The following SUFU variants were observed in gnomAD, a reference collection of about 807,000 sequenced individuals.
SUFU encodes suppressor of fused homolog.
SUFU carries 7 observed loss-of-function variants against 58.9 expected under a neutral mutation model. The observed-to-expected ratio is 0.12, with a 90% CI of 0.07 to 0.22. SUFU has a LOEUF of 0.22. Among genes scored for constraint, SUFU ranks in the 10% least tolerant of loss-of-function variants. SUFU has a pLI of 1.00. For missense variants in SUFU, 451 were observed against 641.3 expected, an observed-to-expected ratio of 0.70 and a Z score of 3.20; for synonymous variants, 232 against 254.8, an observed-to-expected ratio of 0.91 and a Z score of 0.85.
chr10:102,523,466 G>T (rs1051414266), intron 2 of SUFU, among the ~76,000 whole-genome samples: 2 of 152,190 alleles, frequency 1.3e-5, no homozygotes, highest in Non-Finnish European at 2.9e-5. Context: ...TCCCAGGGGG[G>T]TCGAGCTGGC....
chr10:102,576,152 G>A lies in SUFU; in HGVS notation c.455-16430G>A, dbSNP rs180745572. 9.3e-4 allele frequency among the ~76,000 whole-genome samples: 141 copies of A among 151,936 alleles called. 1 individual carries two copies. Among genetic ancestry groups the A allele is most frequent in the Non-Finnish European group, 1.5e-3 (104 of 67,942 alleles). Reference sequence around the variant, plus strand: ...TGAGGTACTGCAACTGACCTCAGATGTTAAAAACTTAGACTATACAGATAA... The same window carrying A: ...TGAGGTACTGCAACTGACCTCAGATATTAAAAACTTAGACTATACAGATAA... On this transcript the variant is annotated intron_variant, in intron 3 of 11. Transcript: ENST00000369902.
chr10:102,617,592 A>C lies in SUFU; in HGVS notation c.1296+164A>C. 1.1e-6 allele frequency: 1 copy of C among 915,776 alleles called. No homozygotes were observed. Among genetic ancestry groups the C allele is most frequent in the South Asian group, 1.6e-5 (1 of 62,584 alleles). The allele number at this position is 915,776 out of a possible 1,614,324, so 56.7% of individuals were successfully genotyped here. A position where few individuals can be genotyped will look rare whatever the true frequency, so the allele number is the denominator to read the frequency against. ...GCCTGTGTGTAGGTATGGAGTGTGG[A>C]TGCTGCTACCCACTCCAGCAGCTTA... On this transcript the variant is annotated intron_variant, in intron 10 of 11. Transcript: ENST00000369902. This position sits in a 1 kb window ranked among gnomAD's most constrained non-coding sequence, Gnocchi z 4.4.
chr10:102,556,148 G>A (rs1287135010), intron 3 of SUFU, among the ~76,000 whole-genome samples: 1 of 152,188 alleles, frequency 6.6e-6, no homozygotes, highest in Non-Finnish European at 1.5e-5. Flanking sequence ...AAAGGGGAAC[G>A]ATGAGGCTCC....
chr10:102,567,059 T>C (rs867363546), intron 3 of SUFU, among the ~76,000 whole-genome samples: 1 of 103,068 alleles, frequency 9.7e-6, no homozygotes, highest in Admixed American at 1.5e-4. Flanking sequence ...TTGCTCAGGC[T>C]GGAGTGCAGT....
At chr10:102,567,030 G>A (rs369233983) in intron 3 of SUFU, among the ~76,000 whole-genome samples, 1 of 3,334 alleles carries the variant, frequency 3.0e-4, no homozygotes, top group Non-Finnish European at 5.7e-4. Flanking sequence ...TTTTTTTTTT[G>A]AGACAGAGTC....
intron 3 of SUFU, among the ~76,000 whole-genome samples, chr10:102,567,035 A>G (rs1441456488): frequency 1.3e-5 from 1 of 77,532 alleles, no homozygotes; most frequent in Non-Finnish European, 2.3e-5. Context: ...TTTTTGAGAC[A>G]GAGTCTCGCT....
intron 2 of SUFU, among the ~76,000 whole-genome samples, chr10:102,531,928 TCTC>T (rs2062681891): frequency 6.6e-6 from 1 of 151,414 alleles, no homozygotes; most frequent in Admixed American, 6.6e-5. Flanking sequence ...CTAGCCTCAC[TCTC>T]CTCCCTTCTG....
chr10:102,533,429 C>G (rs1416993343), intron 2 of SUFU, among the ~76,000 whole-genome samples: 1 of 151,578 alleles, frequency 6.6e-6, no homozygotes, highest in Non-Finnish European at 1.5e-5. Context: ...AAAAAATTAG[C>G]CAAGCATGGT....
chr10:102,522,586 A>G (rs777553750), intron 2 of SUFU, among the ~76,000 whole-genome samples: 33 of 152,134 alleles, frequency 2.2e-4, no homozygotes, highest in Non-Finnish European at 4.3e-4. Context: ...GCCTGAAACA[A>G]ATGGGCTACC....
intron 3 of SUFU, among the ~76,000 whole-genome samples, chr10:102,561,960 C>T (rs1023738638): frequency 6.6e-6 from 1 of 152,146 alleles, no homozygotes; most frequent in Non-Finnish European, 1.5e-5. Context: ...TGACCCACTG[C>T]GCCTGGCTAG....
chr10:102,612,750 G>A (rs185327755), intron 8 of SUFU, among the ~76,000 whole-genome samples: 173 of 152,300 alleles, frequency 1.1e-3, no homozygotes, highest in Non-Finnish European at 1.7e-3. Flanking sequence ...GGGAGTGATT[G>A]TGAGAGTCAC....
chr10:102,520,080 C>G (rs1318901926), intron 2 of SUFU, among the ~76,000 whole-genome samples: 1 of 148,654 alleles, frequency 6.7e-6, no homozygotes, highest in South Asian at 2.2e-4. Context: ...CCAGTTTCCC[C>G]TATTATTAAC....
At chr10:102,579,006 G>T (rs74686852) in intron 3 of SUFU, among the ~76,000 whole-genome samples, 6,830 of 152,240 alleles carry the variant, frequency 0.045, 501 homozygotes, top group African/African-American at 0.16. Context: ...AGAAGATTCT[G>T]CCTTCTCATG....
At chr10:102,527,517 A>G (rs1213846085) in intron 2 of SUFU, among the ~76,000 whole-genome samples, 1 of 150,902 alleles carries the variant, frequency 6.6e-6, no homozygotes, top group Non-Finnish European at 1.5e-5. Flanking sequence ...ATATATATGT[A>G]TATTTATAGT....
chr10:102,538,074 A>G (rs576902588), intron 2 of SUFU, among the ~76,000 whole-genome samples: 1 of 152,336 alleles, frequency 6.6e-6, no homozygotes, highest in South Asian at 2.1e-4. Flanking sequence ...TTTTTATGCT[A>G]TAGTGAATAA....
Position 102,555,283 on chromosome 10 carries a change from A to C in SUFU, c.454+5177A>C, listed in dbSNP as rs914767788. Reference sequence around the variant, plus strand: ...ACTCCGTCTCACAAAAAAAAAAAAAAAAAAAAACTTTATATGGATCAAGAT... The same window carrying C: ...ACTCCGTCTCACAAAAAAAAAAAAACAAAAAAACTTTATATGGATCAAGAT... On this transcript the variant is annotated intron_variant, in intron 3 of 11. Transcript: ENST00000369902. 2.0e-4 allele frequency among the ~76,000 whole-genome samples: 30 copies of C among 151,642 alleles called. No individual in the cohort carries two copies. In the South Asian group the frequency reaches 5.4e-3, roughly 27 times the overall value.
chr10:102,540,968 T>G (rs1443953432), intron 2 of SUFU, among the ~76,000 whole-genome samples: 1 of 151,678 alleles, frequency 6.6e-6, no homozygotes, highest in East Asian at 1.9e-4. Context: ...GTTGCAGTGA[T>G]CAGAGATCGC....
At chr10:102,504,458 G>A (rs2062296852) in intron 1 of SUFU, 124 bp downstream of exon 1, 1 of 1,514,582 alleles carries the variant, frequency 6.6e-7, no homozygotes, top group African/African-American at 1.4e-5. Flanking sequence ...CAGAAGGAGG[G>A]CTTCTTGCTG....
At chr10:102,511,136 AAGTAAT>A (rs2062396236) in intron 2 of SUFU, among the ~76,000 whole-genome samples, 1 of 127,178 alleles carries the variant, frequency 7.9e-6, no homozygotes, top group Admixed American at 8.0e-5. Context: ...AAAAAAAAAA[AAGTAAT>A]AATAATAATA....
Sources: gnomAD v4.1 joint callset for allele counts (sites outside exome capture counted in the v4.1 genomes callset) on GRCh38, gnomAD v4.1.1 for gene constraint, Gnocchi (gnomAD v3.1) non-coding constraint, MANE v1.5 for transcripts, NCBI Gene and HGNC (gene_info 2026-07-23, HGNC 2026-07-21) for gene names.